The following GRID2 variants were observed in gnomAD, a reference collection of about 807,000 sequenced individuals.
GRID2 encodes the protein glutamate receptor ionotropic, delta-2.
Under a neutral mutation model 114.8 loss-of-function variants are expected in GRID2, and 33 were observed. The ratio of observed to expected loss-of-function variants is 0.29; its 90% CI spans 0.22 to 0.38. GRID2 has a LOEUF of 0.38. Among genes scored for constraint, GRID2 ranks in the 10% least tolerant of loss-of-function variants. The pLI, the probability that GRID2 is intolerant of heterozygous loss-of-function variation, is 1.00. For synonymous variants in GRID2, 505 were observed against 449.9 expected, an observed-to-expected ratio of 1.12 and a Z score of -1.55; for missense variants, 1,184 against 1,257.7, an observed-to-expected ratio of 0.94 and a Z score of 0.89.
chr4:93,226,594 C>T (rs984603100), intron 7 of GRID2, among the ~76,000 whole-genome samples: 3 of 152,192 alleles, frequency 2.0e-5, no homozygotes, highest in Admixed American at 2.0e-4. Context: ...GCTTCTGCAG[C>T]TTTCACAGGT....
intron 1 of GRID2, among the ~76,000 whole-genome samples, chr4:92,525,628 C>A (rs1345314796): frequency 2.6e-5 from 4 of 152,068 alleles, no homozygotes; most frequent in Non-Finnish European, 5.9e-5. Flanking sequence ...CTCCCTCTAC[C>A]TCCTGACACT....
intron 2 of GRID2, among the ~76,000 whole-genome samples, chr4:92,897,190 GTC>G (rs1747230535): frequency 6.6e-6 from 1 of 152,002 alleles, no homozygotes; most frequent in Non-Finnish European, 1.5e-5. Flanking sequence ...TATTTTAAAT[GTC>G]TCTGTCTGCC....
At chr4:93,706,294 G>C (rs559888790) in intron 14 of GRID2, among the ~76,000 whole-genome samples, 1 of 152,194 alleles carries the variant, frequency 6.6e-6, no homozygotes, top group South Asian at 2.1e-4. Context: ...TAACAATATT[G>C]ATACTTCCAA....
chr4:93,615,219 A>C (rs188503928), intron 13 of GRID2, among the ~76,000 whole-genome samples: 196 of 152,304 alleles, frequency 1.3e-3, no homozygotes, highest in Non-Finnish European at 2.3e-3. Flanking sequence ...TTGATTCTAC[A>C]AGCTTTCTTT....
intron 2 of GRID2, among the ~76,000 whole-genome samples, chr4:92,759,380 T>G (rs1462767869): frequency 6.6e-6 from 1 of 152,164 alleles, no homozygotes; most frequent in Admixed American, 6.6e-5. Flanking sequence ...CTTTCTAATT[T>G]TTTTTTACTT....
At chr4:93,560,241 A>AAAAAAAAAAAAC (rs1734784286) in intron 13 of GRID2, among the ~76,000 whole-genome samples, 1 of 150,238 alleles carries the variant, frequency 6.7e-6, no homozygotes, top group Non-Finnish European at 1.5e-5. Flanking sequence ...AAAAAAAAAA[A>AAAAAAAAAAAAC]AAAAAAAAAA....
chr4:92,494,104 A>G (rs959000180), intron 1 of GRID2, among the ~76,000 whole-genome samples: 3 of 152,052 alleles, frequency 2.0e-5, no homozygotes, highest in Non-Finnish European at 2.9e-5. Context: ...AACCAATTAC[A>G]TCTGCTATTG....
At chr4:92,956,691 G>T (rs1016683439) in intron 2 of GRID2, among the ~76,000 whole-genome samples, 1 of 152,096 alleles carries the variant, frequency 6.6e-6, no homozygotes, top group African/African-American at 2.4e-5. Context: ...AGTATGGCTG[G>T]ATCCTACGGT....
At chr4:93,150,569 A>G (rs1235837380) in intron 4 of GRID2, among the ~76,000 whole-genome samples, 1 of 152,118 alleles carries the variant, frequency 6.6e-6, no homozygotes, top group Non-Finnish European at 1.5e-5. Flanking sequence ...CACCCCTTTC[A>G]GCAGCTGGGG....
intron 2 of GRID2, among the ~76,000 whole-genome samples, chr4:92,726,020 A>G (rs1176285650): frequency 1.3e-5 from 2 of 152,040 alleles, no homozygotes; most frequent in African/African-American, 4.8e-5. Context: ...TGTGCTTTAT[A>G]TTATGCATGT....
At position 92,441,638 on chromosome 4, in the gene GRID2, TG is replaced by T. The variant is rs972518713; in HGVS notation, c.88+136895del. ...AATTGTAAGGAGAGTTTATAGGCTTTGAAAGGCCATGCTGTAGCAGGCGAGT... is the reference window on the plus strand; with the variant it reads ...AATTGTAAGGAGAGTTTATAGGCTTTAAAGGCCATGCTGTAGCAGGCGAGT... On this transcript the variant is annotated intron_variant, in intron 1 of 15. Transcript: ENST00000282020. Among the ~76,000 whole-genome samples, 211 of 152,166 alleles carry T rather than the reference TG, an allele frequency of 1.4e-3. 1 individual carries two copies. The highest frequency in any genetic ancestry group is 4.9e-3 in the African/African-American group (204 of 41,518).
At chr4:92,349,087 G>A (rs537518812) in intron 1 of GRID2, among the ~76,000 whole-genome samples, 26 of 151,952 alleles carry the variant, frequency 1.7e-4, no homozygotes, top group African/African-American at 6.0e-4. Flanking sequence ...TGGCTAGCTG[G>A]CTAGTAAGAT....
intron 14 of GRID2, among the ~76,000 whole-genome samples, chr4:93,722,451 A>T (rs1363102654): frequency 6.6e-6 from 1 of 152,202 alleles, no homozygotes; most frequent in Non-Finnish European, 1.5e-5. Context: ...ATATGGCCTT[A>T]TCACTAATCA....
chr4:93,109,620 A>G (rs1432521447), intron 3 of GRID2, among the ~76,000 whole-genome samples: 1 of 152,176 alleles, frequency 6.6e-6, no homozygotes, highest in African/African-American at 2.4e-5. Context: ...GGATTTTGAG[A>G]TCTAGTCTAT....
chr4:93,591,369 C>T lies in GRID2; in HGVS notation c.2194-34900C>T, dbSNP rs376806654. ...ATGCTGGATTACATTTATTGATTTG[C>T]GTATATTGAACCAGCCTTGCATCCC... On this transcript the variant is annotated intron_variant, in intron 13 of 15. Transcript: ENST00000282020. Among the ~76,000 whole-genome samples, 28 of 151,044 alleles carry T rather than the reference C, an allele frequency of 1.9e-4. No individual in the cohort carries two copies. The South Asian group carries it at 5.2e-3, about 28-fold the overall frequency.
Position 93,052,431 on chromosome 4 carries a change from C to T in GRID2, c.245-32564C>T, listed in dbSNP as rs78629616. 9.3e-3 allele frequency among the ~76,000 whole-genome samples: 1,410 copies of T among 151,942 alleles called. 11 individuals carry two copies. The highest frequency in any genetic ancestry group is 0.032 in the African/African-American group (1,339 of 41,474). On this transcript the variant is annotated intron_variant, in intron 2 of 15. Coordinates refer to ENST00000282020, the MANE Select transcript of GRID2 (RefSeq NM_001510.4). ...TATAAAGTCTATTTACACAAACCTA[C>T]GTGGTATAGCCCATTATTGCCAGGG...
At chr4:92,609,644 G>T (rs62307879) in intron 2 of GRID2, among the ~76,000 whole-genome samples, 7,044 of 150,416 alleles carry the variant, frequency 0.047, 198 homozygotes, top group East Asian at 0.093. Flanking sequence ...TATAATAATA[G>T]TAGATCACTA....
intron 10 of GRID2, among the ~76,000 whole-genome samples, chr4:93,438,211 C>T (rs1721287238): frequency 6.6e-6 from 1 of 151,954 alleles, no homozygotes; most frequent in South Asian, 2.1e-4. Flanking sequence ...TAAGTGCACA[C>T]GAAAAACAAA....
intron 8 of GRID2, among the ~76,000 whole-genome samples, chr4:93,246,141 A>T: frequency 6.6e-6 from 1 of 152,196 alleles, no homozygotes; most frequent in East Asian, 1.9e-4. Flanking sequence ...GAAATCTAAT[A>T]ACAGAAAATC....
Sources: gnomAD v4.1 joint callset for allele counts (sites outside exome capture counted in the v4.1 genomes callset) on GRCh38, gnomAD v4.1.1 for gene constraint, MANE v1.5 for transcripts, NCBI Gene and HGNC (gene_info 2026-07-23, HGNC 2026-07-21) for gene names.